The following NEFH variants were observed in gnomAD, a reference collection of about 807,000 sequenced individuals.
NEFH encodes the protein neurofilament heavy chain, also known as neurofilament heavy polypeptide.
Under a neutral mutation model 56.6 loss-of-function variants are expected in NEFH, and 58 were observed. The ratio of observed to expected loss-of-function variants is 1.03; its 90% CI spans 0.83 to 1.28. NEFH has a LOEUF of 1.28. Ranked by LOEUF, NEFH falls within the 50% of genes most tolerant of loss-of-function variation. The pLI, the probability that NEFH is intolerant of heterozygous loss-of-function variation, is 0.00. For missense variants in NEFH, 1,221 were observed against 1,307.6 expected, an observed-to-expected ratio of 0.93 and a Z score of 1.02; for synonymous variants, 542 against 545.8, an observed-to-expected ratio of 0.99 and a Z score of 0.10.
intron 3 of NEFH, among the ~76,000 whole-genome samples, chr22:29,486,615 T>G (rs2063046313): frequency 6.7e-6 from 1 of 149,772 alleles, no homozygotes; most frequent in Non-Finnish European, 1.5e-5. Flanking sequence ...CTCTGTGTCC[T>G]GAGTTCAAGT....
intron 3 of NEFH, 147 bp from the exon 4 acceptor site, chr22:29,488,702 T>C: frequency 1.3e-6 from 1 of 775,492 alleles, no homozygotes. Context: ...TGACTTTCTC[T>C]AGTCTCATAA....
rs1214526567 is a variant in NEFH at position 29,480,355 on chromosome 22, G to A, written c.93G>A (p.Lys31=). 5 of 1,537,274 alleles carry A rather than the reference G, an allele frequency of 3.3e-6. No individual in the cohort carries two copies. Among genetic ancestry groups the A allele is most frequent in the Admixed American group, 3.9e-5 (2 of 51,338 alleles). The change falls in exon 1 of 4, where the codon AAG becomes AAA. Residue 31 remains lysine (K), a synonymous_variant. Transcript: ENST00000310624. ...GGSLHYALAR[K]GGAGGTRSAA... Reference sequence around the variant, plus strand: ...GCCTCCACTACGCGCTAGCCCGAAAGGGTGGCGCAGGCGGGACGCGCTCCG... The same window carrying A: ...GCCTCCACTACGCGCTAGCCCGAAAAGGTGGCGCAGGCGGGACGCGCTCCG...
chr22:29,480,404 C>T lies in NEFH; in HGVS notation c.142C>T (p.His48Tyr), dbSNP rs890117518. 1.3e-6 allele frequency: 2 copies of T among 1,534,794 alleles called. No homozygotes were observed. The highest frequency in any genetic ancestry group is 1.7e-6 in the Non-Finnish European group (2 of 1,147,556). Reference sequence around the variant, plus strand: ...CGCCGCTGGCTCCTCCAGCGGCTTCCACTCGTGGACACGGACGTCCGTGAG... The same window carrying T: ...CGCCGCTGGCTCCTCCAGCGGCTTCTACTCGTGGACACGGACGTCCGTGAG... Reference protein sequence around the residue: ...RSAAGSSSGFHSWTRTSVSSV... With the variant: ...RSAAGSSSGFYSWTRTSVSSV... Residue 48 changes from histidine to tyrosine, a missense_variant, in exon 1 of 4, where the codon CAC becomes TAC. Physicochemically the swap from His to Tyr is moderately conservative, Grantham distance 83. Around this residue, in one of 4 missense-constraint regions of NEFH, gnomAD observed 640 missense variants for 555.5 expected, o/e 1.15. Transcript: ENST00000310624.
At position 29,480,323 on chromosome 22, in the gene NEFH, G is replaced by T; in HGVS notation, c.61G>T (p.Gly21Cys). 4 of 1,507,444 alleles carry T rather than the reference G, an allele frequency of 2.7e-6. No individual in the cohort carries two copies. Among genetic ancestry groups the T allele is most frequent in the Non-Finnish European group, 3.5e-6 (4 of 1,138,210 alleles). The allele number at this position is 1,507,444 out of a possible 1,614,324, so 93.4% of individuals were successfully genotyped here. A position where few individuals can be genotyped will look rare whatever the true frequency, so the allele number is the denominator to read the frequency against. The stretch of plus-strand genomic sequence containing the variant: ...CGCCCCGTTCGCGCCGCTGCATGGC[G>T]GCGGCAGCCTCCACTACGCGCTAGC... Reference protein sequence around the residue: ...LGAPFAPLHGGGSLHYALARK... With the variant: ...LGAPFAPLHGCGSLHYALARK... The change falls in exon 1 of 4, where the codon GGC becomes TGC. Residue 21 changes from glycine (G) to cysteine (C), a missense_variant. By Grantham distance (159) the Gly-to-Cys change is radical. Around this residue, in one of 4 missense-constraint regions of NEFH, gnomAD observed 640 missense variants for 555.5 expected, o/e 1.15. Coordinates refer to ENST00000310624, the MANE Select transcript of NEFH (RefSeq NM_021076.4).
intron 2 of NEFH, among the ~76,000 whole-genome samples, chr22:29,483,914 A>T (rs1483745541): frequency 6.6e-6 from 1 of 151,712 alleles, no homozygotes; most frequent in African/African-American, 2.4e-5. Flanking sequence ...CAGTGGCATG[A>T]TCTCAGCTCA....
In NEFH at chr22:29,480,272, T is replaced by A. The variant is rs370305191; in HGVS notation, c.10T>A (p.Phe4Ile). The part of the protein sequence containing the change: MMS[F>I]GGADALLGAP... ...CGCACCTGCTCAGGCCATGATGAGC[T>A]TCGGCGGCGCGGACGCGCTGCTGGG... Residue 4 changes from phenylalanine (F) to isoleucine (I), a missense_variant, in exon 1 of 4, where the codon TTC becomes ATC. Physicochemically the swap from Phe to Ile is conservative, Grantham distance 21 (BLOSUM62 0). Around this residue, in one of 4 missense-constraint regions of NEFH, gnomAD observed 640 missense variants for 555.5 expected, o/e 1.15. Coordinates refer to ENST00000310624, the MANE Select transcript of NEFH (RefSeq NM_021076.4). The A allele has an allele frequency of 4.0e-6, 6 of 1,510,708 alleles. No homozygotes were observed. The African/African-American group carries it at 7.2e-5, about 18-fold the overall frequency. The allele number at this position is 1,510,708 out of a possible 1,614,324, so 93.6% of individuals were successfully genotyped here. A position where few individuals can be genotyped will look rare whatever the true frequency, so the allele number is the denominator to read the frequency against.
Position 29,490,880 on chromosome 22 carries a change from G to A in NEFH, c.*177G>A, listed in dbSNP as rs2063077785. 1.6e-6 allele frequency: 2 copies of A among 1,257,704 alleles called. No individual in the cohort carries two copies. The highest frequency in any genetic ancestry group is 2.2e-6 in the Non-Finnish European group (2 of 898,646). The allele number at this position is 1,257,704 out of a possible 1,614,324, so 77.9% of individuals were successfully genotyped here. A position where few individuals can be genotyped will look rare whatever the true frequency, so the allele number is the denominator to read the frequency against. On this transcript the variant is annotated 3_prime_UTR_variant, in exon 4 of 4. Coordinates refer to ENST00000310624, the MANE Select transcript of NEFH (RefSeq NM_021076.4). ...TGTTAGCAATATGTTAGCAAGAGAG[G>A]GCACTCCCAGGCCCCTGCCCCCAGG... is the stretch of plus-strand genomic sequence containing the variant.
rs1184095162 is a variant in NEFH at position 29,490,356 on chromosome 22, C to A, written c.2716C>A (p.Pro906Thr). The A allele has an allele frequency of 4.3e-6, 7 of 1,613,310 alleles. No homozygotes were observed. The Admixed American group carries it at 1.2e-4, about 27-fold the overall frequency. The change falls in exon 4 of 4, where the codon CCA becomes ACA. Residue 906 changes from proline to threonine, a missense_variant. Pro to Thr is a conservative substitution (Grantham distance 38, BLOSUM62 -1). This residue lies in a region of NEFH where 301 missense variants were observed against 346.6 expected (regional missense o/e 0.87). Coordinates refer to ENST00000310624, the MANE Select transcript of NEFH (RefSeq NM_021076.4). ...TGAAGATAAGAAAAAAGTCCCCACC[C>A]CAGAGAAGGAGGCTCCTGCCAAGGT... is the stretch of plus-strand genomic sequence containing the variant. ...EAEDKKKVPT[P>T]EKEAPAKVEV... is the part of the protein sequence containing the mutation.
At chr22:29,483,146 G>A (rs1011802240) in intron 1 of NEFH, among the ~76,000 whole-genome samples, 4 of 152,126 alleles carry the variant, frequency 2.6e-5, no homozygotes, top group African/African-American at 9.7e-5. Context: ...GGGCGTAGTG[G>A]CAGGTGCCTG....
In NEFH at chr22:29,488,973, A is replaced by C; in HGVS notation, c.1333A>C (p.Lys445Gln). 1 of 1,614,204 alleles carries C rather than the reference A, an allele frequency of 6.2e-7. No individual in the cohort carries two copies. The highest frequency in any genetic ancestry group is 8.5e-7 in the Non-Finnish European group (1 of 1,180,040). Residue 445 changes from lysine (K) to glutamine (Q), a missense_variant, in exon 4 of 4, where the codon AAA becomes CAA. Around this residue, in one of 4 missense-constraint regions of NEFH, gnomAD observed 243 missense variants for 299.1 expected, o/e 0.81. Transcript: ENST00000310624. ...HIKVKSEEKI[K>Q]VVEKSEKETV... ...AAAGGTGAAAAGCGAAGAGAAGATCAAAGTGGTGGAGAAGTCTGAGAAAGA... is the reference window on the plus strand; with the variant it reads ...AAAGGTGAAAAGCGAAGAGAAGATCCAAGTGGTGGAGAAGTCTGAGAAAGA...
At chr22:29,486,053 G>T (rs755170654) in intron 3 of NEFH, among the ~76,000 whole-genome samples, 2 of 152,162 alleles carry the variant, frequency 1.3e-5, no homozygotes, top group African/African-American at 2.4e-5. Flanking sequence ...CAGACTTACT[G>T]TGTTGCCCAG....
rs1218993302 is a variant in NEFH, at chr22:29,491,227, T to C, written c.*524T>C. 2.9e-5 allele frequency: 6 copies of C among 209,470 alleles called. No homozygotes were observed. The highest frequency in any genetic ancestry group is 2.9e-5 in the Non-Finnish European group (3 of 102,822). 13.0% of individuals were successfully genotyped at this position (209,470 alleles called of 1,614,324 possible). A position where few individuals can be genotyped will look rare whatever the true frequency, so the allele number is the denominator to read the frequency against. ...GCCACTGAATTATGCCAGGGCGCAC[T>C]TTCCACTGGAGTTCACTTTCAATTG... On this transcript the variant is annotated 3_prime_UTR_variant, in exon 4 of 4. Coordinates refer to ENST00000310624, the MANE Select transcript of NEFH (RefSeq NM_021076.4).
chr22:29,483,766 A>G (rs981243814), intron 2 of NEFH, among the ~76,000 whole-genome samples, 192 bp downstream of exon 2: 4 of 124,894 alleles, frequency 3.2e-5, no homozygotes, highest in Admixed American at 2.3e-4. Context: ...CTTTCCAGCC[A>G]TGAAAAAAAA....
chr22:29,483,648 C>T, intron 2 of NEFH, 74 bp downstream of exon 2: 1 of 1,454,014 alleles, frequency 6.9e-7, no homozygotes, highest in Non-Finnish European at 9.5e-7. Context: ...CTGTCCCTCA[C>T]TGAGTGGGGT....
chr22:29,480,867 T>C lies in NEFH; in HGVS notation c.605T>C (p.Leu202Pro). ...GAGGCCGAGGCGGCGGCCCGCGCGCTGGCGCGCTTCGCGCAGGAGGCCGAG... is the reference window on the plus strand; with the variant it reads ...GAGGCCGAGGCGGCGGCCCGCGCGCCGGCGCGCTTCGCGCAGGAGGCCGAG... ...REEAEAAARALARFAQEAEAA... is the reference protein window; with the variant it reads ...REEAEAAARAPARFAQEAEAA... Residue 202 changes from leucine (L) to proline (P), a missense_variant, in exon 1 of 4, where the codon CTG (leucine) becomes CCG (proline). Leu to Pro is a moderately conservative substitution (Grantham distance 98). Coordinates refer to ENST00000310624, the MANE Select transcript of NEFH (RefSeq NM_021076.4). 1.4e-6 allele frequency: 2 copies of C among 1,403,514 alleles called. No homozygotes were observed. Among genetic ancestry groups the C allele is most frequent in the Non-Finnish European group, 1.8e-6 (2 of 1,091,562 alleles). 86.9% of individuals were successfully genotyped at this position (1,403,514 alleles called of 1,614,324 possible).
chr22:29,480,247 C>G lies in NEFH; in HGVS notation c.-16C>G. ...TGCCTCCCGCCCCGTCCCGGCCTCG[C>G]GCACCTGCTCAGGCCATGATGAGCT... is the stretch of plus-strand genomic sequence containing the variant. On this transcript the variant is annotated 5_prime_UTR_variant, in exon 1 of 4. Coordinates refer to ENST00000310624, the MANE Select transcript of NEFH (RefSeq NM_021076.4). The G allele has an allele frequency of 2.0e-6, 3 of 1,497,966 alleles. No individual in the cohort carries two copies. The highest frequency in any genetic ancestry group is 2.6e-6 in the Non-Finnish European group (3 of 1,133,080). The allele number at this position is 1,497,966 out of a possible 1,614,324, so 92.8% of individuals were successfully genotyped here. A position where few individuals can be genotyped will look rare whatever the true frequency, so the allele number is the denominator to read the frequency against.
Position 29,490,597 on chromosome 22 carries a change from C to G in NEFH, c.2957C>G (p.Pro986Arg). Residue 986 changes from proline (P) to arginine (R), a missense_variant, in exon 4 of 4, where the codon CCT becomes CGT. Around this residue, in one of 4 missense-constraint regions of NEFH, gnomAD observed 301 missense variants for 346.6 expected, o/e 0.87. Transcript: ENST00000310624. ...KEDDKTLSKEPSKPKAEKAEK... is the reference protein window; with the variant it reads ...KEDDKTLSKERSKPKAEKAEK... Reference sequence around the variant, plus strand: ...GATGACAAGACCCTCTCAAAAGAGCCTAGCAAGCCTAAGGCAGAAAAGGCT... The same window carrying G: ...GATGACAAGACCCTCTCAAAAGAGCGTAGCAAGCCTAAGGCAGAAAAGGCT... 1 of 1,614,028 alleles carries G rather than the reference C, an allele frequency of 6.2e-7. No homozygotes were observed. The highest frequency in any genetic ancestry group is 8.5e-7 in the Non-Finnish European group (1 of 1,180,002).
chr22:29,483,768 G>GAAA (rs361680), intron 2 of NEFH, among the ~76,000 whole-genome samples, 194 bp downstream of exon 2: 2 of 56,686 alleles, frequency 3.5e-5, no homozygotes, highest in African/African-American at 5.3e-5. Context: ...TTCCAGCCAT[G>GAAA]AAAAAAAAAA....
chr22:29,485,468 C>A (rs112589724), intron 2 of NEFH, among the ~76,000 whole-genome samples: 26 of 152,356 alleles, frequency 1.7e-4, no homozygotes, highest in South Asian at 4.1e-4. Flanking sequence ...GCCAAACCAG[C>A]AGGAACAACT....
Sources: allele counts gnomAD v4.1 joint callset (sites outside exome capture counted in the v4.1 genomes callset), GRCh38; gene constraint gnomAD v4.1.1; regional missense constraint gnomAD v4.1.1; transcripts MANE v1.5; gene names NCBI Gene and HGNC (gene_info 2026-07-23, HGNC 2026-07-21).